COL24A1: variants seen among roughly 807,000 people sequenced by gnomAD.
The protein encoded by COL24A1 is collagen alpha-1(XXIV) chain.
Under a neutral mutation model 253.9 loss-of-function variants are expected in COL24A1, and 224 were observed. The observed-to-expected ratio is 0.88, with a 90% CI of 0.79 to 0.99. COL24A1 has a LOEUF of 0.99. Ranked by LOEUF, COL24A1 falls within the 50% of genes least tolerant of loss-of-function variation. COL24A1 has a pLI of 0.00. For missense variants in COL24A1, 2,131 were observed against 2,068.5 expected, an observed-to-expected ratio of 1.03 and a Z score of -0.59; for synonymous variants, 685 against 673.7, an observed-to-expected ratio of 1.02 and a Z score of -0.26.
chr1:86,030,817 C>CA (rs1698506565), intron 14 of COL24A1, among the ~76,000 whole-genome samples: 2 of 150,526 alleles, frequency 1.3e-5, no homozygotes, highest in Non-Finnish European at 3.0e-5. Context: ...GGCTTGGTCT[C>CA]AAACTCCTAA....
At chr1:85,785,952 G>A (rs1212643305) in intron 48 of COL24A1, among the ~76,000 whole-genome samples, 3 of 152,202 alleles carry the variant, frequency 2.0e-5, no homozygotes, top group African/African-American at 7.2e-5. Flanking sequence ...AGTCTGTACG[G>A]TTATCAGATT....
chr1:85,930,352 T>C (rs1192750710), intron 24 of COL24A1, among the ~76,000 whole-genome samples: 1 of 30,306 alleles, frequency 3.3e-5, no homozygotes, highest in Non-Finnish European at 5.7e-5. Context: ...GATACATTCC[T>C]CGACACATAC....
chr1:85,927,652 G>C (rs1277268532), intron 24 of COL24A1, among the ~76,000 whole-genome samples: 2 of 79,814 alleles, frequency 2.5e-5, no homozygotes, highest in Non-Finnish European at 5.2e-5. Context: ...CAAAAAGACA[G>C]CAGTAACCTC....
intron 19 of COL24A1, among the ~76,000 whole-genome samples, chr1:86,000,994 T>C (rs146949303): frequency 6.6e-6 from 1 of 152,198 alleles, no homozygotes; most frequent in Non-Finnish European, 1.5e-5. Flanking sequence ...ATGATTCCTG[T>C]AGAGCATTTT....
intron 24 of COL24A1, among the ~76,000 whole-genome samples, chr1:85,918,508 T>A (rs573560891): frequency 6.6e-6 from 1 of 152,220 alleles, no homozygotes; most frequent in Admixed American, 6.5e-5. Flanking sequence ...TTTTTATGGT[T>A]GTCTCTACTA....
intron 53 of COL24A1, among the ~76,000 whole-genome samples, chr1:85,775,213 T>C (rs894181344): frequency 6.6e-6 from 1 of 152,212 alleles, no homozygotes; most frequent in Admixed American, 6.6e-5. Context: ...AGTTCTATTT[T>C]GATTGCAGTG....
At chr1:85,777,969 A>C (rs1668729271) in intron 52 of COL24A1, among the ~76,000 whole-genome samples, 1 of 151,424 alleles carries the variant, frequency 6.6e-6, no homozygotes. Context: ...TTTCTATTGA[A>C]CTTTCTTTTT....
intron 28 of COL24A1, among the ~76,000 whole-genome samples, chr1:85,905,429 C>T (rs953831340): frequency 2.6e-5 from 4 of 151,998 alleles, no homozygotes; most frequent in African/African-American, 9.7e-5. Flanking sequence ...CTTCCCAATG[C>T]TATTTTCTTT....
At position 85,730,151 on chromosome 1, in the gene COL24A1, A is replaced by T. The variant is rs943323329; in HGVS notation, c.*395T>A. On this transcript the variant is annotated 3_prime_UTR_variant, in exon 60 of 60. Transcript: ENST00000370571. ...TAAGACATATTAGACTGTGGCTTGTAATTTTTAGACAGAAGCAGTGCACAT... is the reference window on the plus strand; with the variant it reads ...TAAGACATATTAGACTGTGGCTTGTTATTTTTAGACAGAAGCAGTGCACAT... 1 of 155,812 alleles carries T rather than the reference A, an allele frequency of 6.4e-6. No homozygotes were observed. Among genetic ancestry groups the T allele is most frequent in the Non-Finnish European group, 1.4e-5 (1 of 70,082 alleles). The allele number at this position is 155,812 out of a possible 1,614,324, so 9.7% of individuals were successfully genotyped here. A position where few individuals can be genotyped will look rare whatever the true frequency, so the allele number is the denominator to read the frequency against.
intron 24 of COL24A1, among the ~76,000 whole-genome samples, chr1:85,932,158 C>G (rs1446659013): frequency 1.1e-5 from 1 of 88,468 alleles, no homozygotes; most frequent in East Asian, 3.5e-4. Context: ...CAACCTACAA[C>G]ATGGGAGAAA....
intron 39 of COL24A1, among the ~76,000 whole-genome samples, chr1:85,845,784 TAAC>T (rs1362486224): frequency 1.3e-5 from 2 of 151,698 alleles, no homozygotes; most frequent in African/African-American, 2.4e-5. Flanking sequence ...AGAATAAACT[TAAC>T]AAGAAAGATT....
rs1212886965 is a variant in COL24A1, at chr1:85,997,041, A to ATGTGTG, written c.2311-9393_2311-9388dup. Among the ~76,000 whole-genome samples, 162 of 80,962 alleles carry ATGTGTG rather than the reference A, an allele frequency of 2.0e-3. 3 individuals are homozygous for ATGTGTG. The highest frequency in any genetic ancestry group is 3.5e-3 in the East Asian group (14 of 4,002). The allele number at this position is 80,962 out of a possible 152,430, so 53.1% of individuals were successfully genotyped here. A position where few individuals can be genotyped will look rare whatever the true frequency, so the allele number is the denominator to read the frequency against. ...TATGTGTGTGTGTATATATATATATATGTGTGTGTGTGTGTATATATATAT... is the reference window on the plus strand; with the variant it reads ...TATGTGTGTGTGTATATATATATATATGTGTGTGTGTGTGTGTGTGTATATATATAT... On this transcript the variant is annotated intron_variant, in intron 19 of 59. Coordinates refer to ENST00000370571, the MANE Select transcript of COL24A1 (RefSeq NM_152890.7).
intron 14 of COL24A1, among the ~76,000 whole-genome samples, chr1:86,027,677 C>T (rs1420891764): frequency 6.6e-6 from 1 of 151,078 alleles, no homozygotes; most frequent in East Asian, 2.0e-4. Flanking sequence ...TCTGCTAGGA[C>T]AGTGTAGAAG....
chr1:85,838,626 C>G lies in COL24A1; in HGVS notation c.3640G>C (p.Asp1214His). The G allele has an allele frequency of 6.2e-7, 1 of 1,613,598 alleles. No individual in the cohort carries two copies. The highest frequency in any genetic ancestry group is 8.5e-7 in the Non-Finnish European group (1 of 1,179,518). ...GPRGEPGPVG[D>H]QGERGEPGAE... ...CCAGGCTCTCCTCTCTCTCCTTGGT[C>G]CCCCACTGGACCCTACAGAGACCAC... Residue 1214 changes from aspartate to histidine, a missense_variant, in exon 43 of 60, where the codon GAC (aspartate) becomes CAC (histidine). Coordinates refer to ENST00000370571, the MANE Select transcript of COL24A1 (RefSeq NM_152890.7).
intron 20 of COL24A1, among the ~76,000 whole-genome samples, chr1:85,985,138 GT>G (rs375145750): frequency 9.2e-5 from 14 of 151,592 alleles, no homozygotes; most frequent in African/African-American, 3.4e-4. Context: ...TGCTTGATAG[GT>G]TTTTTTTCAG....
At chr1:86,134,576 A>T (rs983592540) in intron 2 of COL24A1, among the ~76,000 whole-genome samples, 3 of 150,610 alleles carry the variant, frequency 2.0e-5, no homozygotes, top group Non-Finnish European at 4.4e-5. Flanking sequence ...TTCAAAGAAC[A>T]TCTTTATTTC....
At chr1:85,993,875 T>A (rs1159285861) in intron 19 of COL24A1, among the ~76,000 whole-genome samples, 1 of 152,068 alleles carries the variant, frequency 6.6e-6, no homozygotes, top group African/African-American at 2.4e-5. Flanking sequence ...ATAAAATCAG[T>A]GTTGCTCAGA....
At chr1:85,850,404 A>C (rs1677626360) in intron 37 of COL24A1, among the ~76,000 whole-genome samples, 1 of 152,216 alleles carries the variant, frequency 6.6e-6, no homozygotes, top group African/African-American at 2.4e-5. Context: ...TTGAACGAAT[A>C]AACAGATACC....
Position 85,730,630 on chromosome 1 carries a change from A to G in COL24A1, c.5061T>C (p.Leu1687=). 6.2e-7 allele frequency: 1 copy of G among 1,613,958 alleles called. No homozygotes were observed. The highest frequency in any genetic ancestry group is 8.5e-7 in the Non-Finnish European group (1 of 1,179,866). ...GAAGTTTTTGTACTTCAATCACTGG[A>G]AGTTGATTAGGTTCCTGGGTGTGAA... ...FLFHTQEPNQ[L]PVIEVQKLPH... is the part of the protein sequence containing the mutation. The change falls in exon 60 of 60, where the codon CTT becomes CTC. Residue 1687 remains leucine, a synonymous_variant. Coordinates refer to ENST00000370571, the MANE Select transcript of COL24A1 (RefSeq NM_152890.7).
Sources: allele counts gnomAD v4.1 joint callset (sites outside exome capture counted in the v4.1 genomes callset), GRCh38; gene constraint gnomAD v4.1.1; transcripts MANE v1.5; gene names NCBI Gene and HGNC (gene_info 2026-07-23, HGNC 2026-07-21).